The following AHRR variants were observed in gnomAD, a reference collection of about 807,000 sequenced individuals.
AHRR encodes the protein ahR repressor.
AHRR carries 28 observed loss-of-function variants against 44.0 expected under a neutral mutation model. That is an observed-to-expected ratio of 0.64 (90% confidence interval 0.47 to 0.87). The LOEUF (loss-of-function observed/expected upper bound fraction) is 0.87, where lower values mean the gene tolerates loss of function less well. Among genes scored for constraint, AHRR ranks in the 40% least tolerant of loss-of-function variants. AHRR has a pLI of 0.00. For missense variants in AHRR, 990 were observed against 953.9 expected (o/e 1.04, Z -0.50); for synonymous variants, 434 against 407.0 (o/e 1.07, Z -0.80).
In AHRR at chr5:325,980, G is replaced by A. The variant is rs181874401; in HGVS notation, c.-11+4161G>A. Among the ~76,000 whole-genome samples, 10 of 151,890 alleles carry A rather than the reference G, an allele frequency of 6.6e-5. No homozygotes were observed. In the East Asian group the frequency reaches 1.4e-3, roughly 21 times the overall value. On this transcript the variant is annotated intron_variant, in intron 1 of 10. Coordinates refer to ENST00000684583, the MANE Select transcript of AHRR (RefSeq NM_001377236.1). ...GTATTTTTAGTAGAGACGGGGTTTC[G>A]CCATGTTGGCCAGGCTGGTCTTGAA...
intron 3 of AHRR, among the ~76,000 whole-genome samples, chr5:354,323 G>T (rs1019017619): frequency 6.6e-6 from 1 of 152,240 alleles, no homozygotes; most frequent in South Asian, 2.1e-4. Context: ...TTGTGGATGA[G>T]CAGGGCTGGG....
At chr5:424,654 T>C (rs1425232575) in intron 7 of AHRR, among the ~76,000 whole-genome samples, 1 of 152,194 alleles carries the variant, frequency 6.6e-6, no homozygotes, top group East Asian at 1.9e-4. Context: ...TTAAAATATT[T>C]TTTAAAATGT....
chr5:433,941 C>A lies in AHRR; in HGVS notation c.1201C>A (p.Pro401Thr), dbSNP rs753630316. The A allele has an allele frequency of 6.5e-7, 1 of 1,549,062 alleles. No homozygotes were observed. Among genetic ancestry groups the A allele is most frequent in the Admixed American group, 1.9e-5 (1 of 52,238 alleles). ...GACTCCAGGACCCACAAAGCCCCTG[C>A]CCTGGACAGCGGGAAAGCACAGTGA... ...RETPGPTKPL[P>T]WTAGKHSEDG... The change falls in exon 11 of 11, where the codon CCC becomes ACC. Residue 401 changes from proline to threonine, a missense_variant. Coordinates refer to ENST00000684583, the MANE Select transcript of AHRR (RefSeq NM_001377236.1).
chr5:343,249 G>A (rs183753838), intron 1 of AHRR, among the ~76,000 whole-genome samples: 4 of 123,582 alleles, frequency 3.2e-5, no homozygotes, highest in East Asian at 2.0e-4. Flanking sequence ...ATACCTTCTC[G>A]GGGTGACAGG....
chr5:407,237 C>T (rs904955635), intron 4 of AHRR, among the ~76,000 whole-genome samples: 2 of 152,260 alleles, frequency 1.3e-5, no homozygotes, highest in East Asian at 1.9e-4. Flanking sequence ...AGTATTACAG[C>T]GTGTTGATAA....
rs1735263570 is a variant in AHRR, at chr5:406,432, T to C, written c.352-6912T>C. On this transcript the variant is annotated intron_variant, in intron 4 of 10. Transcript: ENST00000684583. This position sits in a 1 kb window ranked among gnomAD's most constrained non-coding sequence, Gnocchi z 4.7. ...AAACATTTTTGTGTGAGCTAGCTACTCTGAACATAATCATAATTGCATTGG... is the reference window on the plus strand; with the variant it reads ...AAACATTTTTGTGTGAGCTAGCTACCCTGAACATAATCATAATTGCATTGG... 6.6e-6 allele frequency among the ~76,000 whole-genome samples: 1 copy of C among 152,206 alleles called. No individual in the cohort carries two copies. The highest frequency in any genetic ancestry group is 2.1e-4 in the South Asian group (1 of 4,826).
At chr5:398,851 G>C (rs1209237875) in intron 4 of AHRR, among the ~76,000 whole-genome samples, 1 of 152,162 alleles carries the variant, frequency 6.6e-6, no homozygotes, top group Non-Finnish European at 1.5e-5. Flanking sequence ...GTGTGGCCCT[G>C]GCTCCAGCAG....
At chr5:423,778 G>C in intron 6 of AHRR, 63 bp from the exon 7 acceptor site, 1 of 1,536,662 alleles carries the variant, frequency 6.5e-7, no homozygotes, top group Non-Finnish European at 8.7e-7. Context: ...GCGTGGTTGT[G>C]CGTGTGACAC....
intron 3 of AHRR, among the ~76,000 whole-genome samples, chr5:359,813 C>T (rs1296274478): frequency 6.6e-6 from 1 of 152,152 alleles, no homozygotes; most frequent in Non-Finnish European, 1.5e-5. Context: ...GAACAGAGGC[C>T]CCACAGCGCC....
In AHRR at chr5:373,550, C is replaced by T. The variant is rs186713505; in HGVS notation, c.245-3060C>T. Among the ~76,000 whole-genome samples, 508 of 152,328 alleles carry T rather than the reference C, an allele frequency of 3.3e-3. 1 individual carries two copies. Among genetic ancestry groups the T allele is most frequent in the African/African-American group, 0.012 (480 of 41,590 alleles). ...AGGAAGGACACCGCGCTCCCAGCTCCCTTCCTCCCCATCCACTCACCATGG... is the reference window on the plus strand; with the variant it reads ...AGGAAGGACACCGCGCTCCCAGCTCTCTTCCTCCCCATCCACTCACCATGG... On this transcript the variant is annotated intron_variant, in intron 3 of 10. Transcript: ENST00000684583.
intron 2 of AHRR, among the ~76,000 whole-genome samples, chr5:346,315 C>T (rs527507423): frequency 6.6e-5 from 10 of 152,352 alleles, no homozygotes; most frequent in East Asian, 5.8e-4. Context: ...ACACTTTCCT[C>T]TGAGTTTTGA....
At position 338,687 on chromosome 5, in the gene AHRR, C is replaced by T. The variant is rs1579593915; in HGVS notation, c.-10-5206C>T. ...TGAAACCCCATCTCTACAAAAAATA[C>T]AAAAATAAATATTATTCTACTTATT... On this transcript the variant is annotated intron_variant, in intron 1 of 10. Coordinates refer to ENST00000684583, the MANE Select transcript of AHRR (RefSeq NM_001377236.1). The surrounding 1 kb of genome is among the most constrained non-coding windows in gnomAD (Gnocchi z 4.1). Among the ~76,000 whole-genome samples, 1 of 152,098 alleles carries T rather than the reference C, an allele frequency of 6.6e-6. No homozygotes were observed. The highest frequency in any genetic ancestry group is 2.4e-5 in the African/African-American group (1 of 41,424).
intron 4 of AHRR, among the ~76,000 whole-genome samples, chr5:401,944 C>G (rs962218579): frequency 6.6e-6 from 1 of 152,116 alleles, no homozygotes. Flanking sequence ...AAGAGAAATA[C>G]GCAGACAGGC....
chr5:335,576 C>T (rs1742092263), intron 1 of AHRR, among the ~76,000 whole-genome samples: 1 of 152,212 alleles, frequency 6.6e-6, no homozygotes, highest in Non-Finnish European at 1.5e-5. Flanking sequence ...TGAGTGCATG[C>T]ACCAACTGTG....
chr5:360,177 AC>A (rs1215727308), intron 3 of AHRR, among the ~76,000 whole-genome samples: 1 of 152,006 alleles, frequency 6.6e-6, no homozygotes, highest in African/African-American at 2.4e-5. Context: ...TAAAAAGGAG[AC>A]CCAAAAGAAC....
intron 4 of AHRR, among the ~76,000 whole-genome samples, chr5:392,901 C>G (rs1357486470): frequency 6.6e-6 from 1 of 152,110 alleles, no homozygotes; most frequent in African/African-American, 2.4e-5. Context: ...GCGTTTCCTT[C>G]TCGGTGTAGG....
intron 4 of AHRR, among the ~76,000 whole-genome samples, chr5:408,485 G>A (rs1194821950): frequency 6.6e-6 from 1 of 151,048 alleles, no homozygotes; most frequent in Non-Finnish European, 1.5e-5. Context: ...GGTCTTTTAT[G>A]TTAAGGGACT....
chr5:343,881 CT>C lies in AHRR; in HGVS notation c.-10-10del. 6.3e-7 allele frequency: 1 copy of C among 1,595,350 alleles called. No homozygotes were observed. The highest frequency in any genetic ancestry group is 1.1e-5 in the South Asian group (1 of 89,652). On this transcript the variant is annotated splice_polypyrimidine_tract_variant and intron_variant, in intron 1 of 10. Transcript: ENST00000684583. ...GCGCGTTCCGGTGACCGGGTGCCCC[CT>C]TGTCTTCCAGGCCGAGGACGATGAT...
chr5:385,511 A>G (rs896734693), intron 4 of AHRR, among the ~76,000 whole-genome samples: 1 of 152,104 alleles, frequency 6.6e-6, no homozygotes, highest in Non-Finnish European at 1.5e-5. Context: ...TGCTGGGTAT[A>G]GAATTCTGGG....
Sources: gnomAD v4.1 joint callset for allele counts (sites outside exome capture counted in the v4.1 genomes callset) on GRCh38, gnomAD v4.1.1 for gene constraint, Gnocchi (gnomAD v3.1) non-coding constraint, MANE v1.5 for transcripts, NCBI Gene and HGNC (gene_info 2026-07-23, HGNC 2026-07-21) for gene names.